NSUN3: variants seen among roughly 807,000 people sequenced by gnomAD.
The protein encoded by NSUN3 is tRNA (cytosine(34)-C(5))-methyltransferase, mitochondrial.
NSUN3 carries 24 observed loss-of-function variants against 36.8 expected under a neutral mutation model. That is an observed-to-expected ratio of 0.65 (90% CI 0.47 to 0.92). The LOEUF (loss-of-function observed/expected upper bound fraction) is 0.92, where lower values mean the gene tolerates loss of function less well. NSUN3 is among the 40% of genes least tolerant of loss of function. The pLI is 0.00. For missense variants in NSUN3, 381 were observed against 392.8 expected, an observed-to-expected ratio of 0.97 and a Z score of 0.25; for synonymous variants, 146 against 145.2, an observed-to-expected ratio of 1.01 and a Z score of -0.04.
rs1448256701 is a variant in NSUN3 at position 94,075,744 on chromosome 3, T to A, written c.123-8363T>A. The stretch of plus-strand genomic sequence containing the variant: ...TGCTGAATCAAGCCCCCCCCCCCAA[T>A]AATATTTAGAAAACACCCACTGTTT... On this transcript the variant is annotated intron_variant, in intron 2 of 5. Transcript: ENST00000314622. Among the ~76,000 whole-genome samples, 7 of 144,702 alleles carry A rather than the reference T, an allele frequency of 4.8e-5. No individual in the cohort carries two copies. In the East Asian group the frequency reaches 1.6e-3, roughly 33 times the overall value. The allele number at this position is 144,702 out of a possible 152,430, so 94.9% of individuals were successfully genotyped here.
intron 2 of NSUN3, chr3:94,076,314 G>T: frequency 1.2e-6 from 1 of 856,990 alleles, no homozygotes; most frequent in East Asian, 2.4e-5. Flanking sequence ...TGATCCTGTG[G>T]CAAGAATGAA....
rs369732392 is a variant in NSUN3 at position 94,084,456 on chromosome 3, G to T, written c.466+6G>T. The T allele has an allele frequency of 1.9e-6, 3 of 1,595,582 alleles. No individual in the cohort carries two copies. In the East Asian group the frequency reaches 6.7e-5, roughly 36 times the overall value. ...GCTGCAGTGTGCTTGTCCAGGTAGT[G>T]TGCTTTCCTTTCAGTATTTGACAAC... On this transcript the variant is annotated splice_donor_region_variant and intron_variant, in intron 3 of 5. Coordinates refer to ENST00000314622, the MANE Select transcript of NSUN3 (RefSeq NM_022072.5).
chr3:94,084,709 G>A (rs1188073384), intron 3 of NSUN3: 1 of 372,130 alleles, frequency 2.7e-6, no homozygotes, highest in African/African-American at 2.1e-5. Flanking sequence ...CAGATAATAT[G>A]AATGCTGATA....
At chr3:94,080,547 G>T (rs2077264238) in intron 2 of NSUN3, among the ~76,000 whole-genome samples, 1 of 152,196 alleles carries the variant, frequency 6.6e-6, no homozygotes, top group African/African-American at 2.4e-5. Context: ...CCAGGGAGAG[G>T]GGGTTTTATC....
At chr3:94,122,732 A>G (rs2077469084) in intron 5 of NSUN3, among the ~76,000 whole-genome samples, 1 of 152,212 alleles carries the variant, frequency 6.6e-6, no homozygotes, top group Non-Finnish European at 1.5e-5. Flanking sequence ...TTTTTATAAA[A>G]TAAGAACACT....
chr3:94,088,617 A>ATGCTGAC (rs144173361), intron 3 of NSUN3, among the ~76,000 whole-genome samples: 2,471 of 151,076 alleles, frequency 0.016, 76 homozygotes, highest in African/African-American at 0.057. Context: ...TAATACACAA[A>ATGCTGAC]TGCTGACTTC....
intron 2 of NSUN3, among the ~76,000 whole-genome samples, chr3:94,080,359 G>A (rs1308912480): frequency 1.3e-5 from 2 of 152,142 alleles, no homozygotes; most frequent in African/African-American, 4.8e-5. Flanking sequence ...CTACTGGGAG[G>A]TGTGTCCCAG....
At chr3:94,073,275 G>C (rs191493266) in intron 2 of NSUN3, among the ~76,000 whole-genome samples, 6 of 152,268 alleles carry the variant, frequency 3.9e-5, no homozygotes, top group African/African-American at 1.4e-4. Context: ...GTGTGCATGT[G>C]TCCTTATAGT....
intron 2 of NSUN3, among the ~76,000 whole-genome samples, chr3:94,072,340 A>G (rs2077227619): frequency 6.6e-6 from 1 of 152,198 alleles, no homozygotes; most frequent in Admixed American, 6.5e-5. Context: ...GACCTCAGGT[A>G]AGTTGCCAAA....
At chr3:94,088,411 T>C (rs2077301652) in intron 3 of NSUN3, among the ~76,000 whole-genome samples, 1 of 152,216 alleles carries the variant, frequency 6.6e-6, no homozygotes, top group Admixed American at 6.5e-5. Flanking sequence ...CCTAGGGCTC[T>C]GAGGAACTGT....
chr3:94,092,334 A>G lies in NSUN3; in HGVS notation c.467-1806A>G, dbSNP rs144231185. ...GATTACAAATCCTCCTGTATCTATCATGCTACTTCCATGATTTACTTCCTT... is the reference window on the plus strand; with the variant it reads ...GATTACAAATCCTCCTGTATCTATCGTGCTACTTCCATGATTTACTTCCTT... On this transcript the variant is annotated intron_variant, in intron 3 of 5. Transcript: ENST00000314622. Among the ~76,000 whole-genome samples the G allele has an allele frequency of 1.3e-3, 205 of 152,228 alleles. 4 individuals carry two copies. The East Asian group carries it at 0.035, about 26-fold the overall frequency.
rs2077502675 is a variant in NSUN3, at chr3:94,129,813, G to A, written c.*3323G>A. 6.8e-6 allele frequency among the ~76,000 whole-genome samples: 1 copy of A among 146,446 alleles called. No homozygotes were observed. Among genetic ancestry groups the A allele is most frequent in the South Asian group, 2.2e-4 (1 of 4,554 alleles). ...CGCCCAGGCTGGATGGCGTGCAGTG[G>A]CATGATCTCAGCTCACTGCAACCTC... On this transcript the variant is annotated 3_prime_UTR_variant, in exon 6 of 6. Coordinates refer to ENST00000314622, the MANE Select transcript of NSUN3 (RefSeq NM_022072.5).
intron 2 of NSUN3, among the ~76,000 whole-genome samples, chr3:94,082,495 G>A (rs2077273728): frequency 6.6e-6 from 1 of 152,120 alleles, no homozygotes; most frequent in Non-Finnish European, 1.5e-5. Context: ...ATAGTAAGAG[G>A]CAGTGAAAGG....
At chr3:94,068,297 G>T (rs2077213123) in intron 2 of NSUN3, among the ~76,000 whole-genome samples, 1 of 152,120 alleles carries the variant, frequency 6.6e-6, no homozygotes, top group Non-Finnish European at 1.5e-5. Context: ...ACTTCATCAA[G>T]CCTTCTGTAT....
At chr3:94,108,817 CACA>C (rs775631034) in intron 5 of NSUN3, among the ~76,000 whole-genome samples, 4 of 152,106 alleles carry the variant, frequency 2.6e-5, no homozygotes, top group Admixed American at 2.0e-4. Flanking sequence ...AGGCACCCAC[CACA>C]ACACCTGGCT....
At chr3:94,072,803 CTTTT>C (rs373485894) in intron 2 of NSUN3, among the ~76,000 whole-genome samples, 1 of 148,480 alleles carries the variant, frequency 6.7e-6, no homozygotes, top group African/African-American at 2.5e-5. Context: ...AAGTTCTTCT[CTTTT>C]TTTTTTATTA....
chr3:94,100,907 C>A (rs914192464), intron 5 of NSUN3, among the ~76,000 whole-genome samples: 1 of 151,878 alleles, frequency 6.6e-6, no homozygotes, highest in Non-Finnish European at 1.5e-5. Flanking sequence ...CTCTATAACT[C>A]GATACTAATC....
intron 5 of NSUN3, among the ~76,000 whole-genome samples, chr3:94,100,830 T>C (rs1270259146): frequency 6.6e-6 from 1 of 152,124 alleles, no homozygotes; most frequent in African/African-American, 2.4e-5. Flanking sequence ...ATATTTATGT[T>C]ACATAAGCAG....
intron 5 of NSUN3, among the ~76,000 whole-genome samples, chr3:94,107,007 A>G (rs2077392488): frequency 6.6e-6 from 1 of 152,082 alleles, no homozygotes; most frequent in African/African-American, 2.4e-5. Context: ...CACTGGCACA[A>G]TCTCAGCTCA....
Sources: gnomAD v4.1 joint callset for allele counts (sites outside exome capture counted in the v4.1 genomes callset) on GRCh38, gnomAD v4.1.1 for gene constraint, MANE v1.5 for transcripts, NCBI Gene and HGNC (gene_info 2026-07-23, HGNC 2026-07-21) for gene names.